The following GREB1L variants were observed in gnomAD, a reference collection of about 807,000 sequenced individuals.
GREB1L encodes GREB1 like retinoic acid receptor coactivator, also known as GREB1-like protein.
Under a neutral mutation model 200.8 loss-of-function variants are expected in GREB1L, and 17 were observed. That is an observed-to-expected ratio of 0.08 (90% CI 0.06 to 0.13). The LOEUF (loss-of-function observed/expected upper bound fraction) is 0.13. GREB1L is among the 10% of genes least tolerant of loss of function. The pLI is 1.00. For missense variants in GREB1L, 1,657 were observed against 2,367.7 expected, an observed-to-expected ratio of 0.70 and a Z score of 6.23; for synonymous variants, 789 against 893.0, an observed-to-expected ratio of 0.88 and a Z score of 2.08.
chr18:21,401,068 G>T lies in GREB1L; in HGVS notation c.533-82G>T, dbSNP rs577095137. ...GAGACATTTTTGGGTCAAAGAATGT[G>T]AATGTTTCTATGCTGTTTAATACGT... On this transcript the variant is annotated intron_variant, in intron 5 of 32. Coordinates refer to ENST00000424526, the MANE Select transcript of GREB1L (RefSeq NM_001142966.3). The T allele has an allele frequency of 3.2e-4, 366 of 1,158,376 alleles. 2 individuals are homozygous for T. The highest frequency in any genetic ancestry group is 2.6e-4 in the Non-Finnish European group (209 of 817,192). 71.8% of individuals were successfully genotyped at this position (1,158,376 alleles called of 1,614,324 possible). A position where few individuals can be genotyped will look rare whatever the true frequency, so the allele number is the denominator to read the frequency against.
At chr18:21,296,957 T>G (rs888212001) in intron 1 of GREB1L, among the ~76,000 whole-genome samples, 1 of 152,190 alleles carries the variant, frequency 6.6e-6, no homozygotes, top group Non-Finnish European at 1.5e-5. Flanking sequence ...TCTGCTTTAA[T>G]TGATCTAAGG....
intron 1 of GREB1L, among the ~76,000 whole-genome samples, chr18:21,339,270 A>G (rs975810267): frequency 6.6e-6 from 1 of 152,200 alleles, no homozygotes; most frequent in African/African-American, 2.4e-5. Flanking sequence ...ATTGTATAGA[A>G]TCATGTAAGA....
chr18:21,405,651 A>G (rs527784203), intron 7 of GREB1L, among the ~76,000 whole-genome samples: 1 of 152,260 alleles, frequency 6.6e-6, no homozygotes, highest in Admixed American at 6.5e-5. Flanking sequence ...ATACACAAAA[A>G]TTAGCTGGGC....
intron 7 of GREB1L, among the ~76,000 whole-genome samples, chr18:21,409,423 G>T (rs1241145926): frequency 6.6e-6 from 1 of 152,160 alleles, no homozygotes; most frequent in East Asian, 1.9e-4. Context: ...TTATTAAGGG[G>T]ATGAAAATGT....
At chr18:21,430,262 T>C (rs1339139599) in intron 7 of GREB1L, among the ~76,000 whole-genome samples, 1 of 152,112 alleles carries the variant, frequency 6.6e-6, no homozygotes, top group Non-Finnish European at 1.5e-5. Context: ...TCATAGCATT[T>C]GTTTATAATG....
At chr18:21,428,175 C>T (rs1053537774) in intron 7 of GREB1L, among the ~76,000 whole-genome samples, 11 of 114,562 alleles carry the variant, frequency 9.6e-5, no homozygotes, top group Non-Finnish European at 8.3e-5. Context: ...CCGGCCTGGG[C>T]GACAGAGCGA....
At chr18:21,340,225 G>C (rs1388429856) in intron 1 of GREB1L, among the ~76,000 whole-genome samples, 2 of 152,184 alleles carry the variant, frequency 1.3e-5, no homozygotes, top group Admixed American at 6.5e-5. Context: ...AGACCATCTT[G>C]GCTAACATGG....
intron 1 of GREB1L, among the ~76,000 whole-genome samples, chr18:21,365,428 C>G (rs948480679): frequency 2.1e-4 from 32 of 152,078 alleles, no homozygotes; most frequent in African/African-American, 7.5e-4. Flanking sequence ...AACATGCATA[C>G]TATACTTTTC....
chr18:21,340,271 T>A (rs2039248761), intron 1 of GREB1L, among the ~76,000 whole-genome samples: 1 of 151,686 alleles, frequency 6.6e-6, no homozygotes, highest in African/African-American at 2.4e-5. Flanking sequence ...TAAAAAAAAA[T>A]TAGCCGGGCA....
At chr18:21,371,241 T>C (rs570556742) in intron 2 of GREB1L, among the ~76,000 whole-genome samples, 1 of 152,164 alleles carries the variant, frequency 6.6e-6, no homozygotes, top group African/African-American at 2.4e-5. Flanking sequence ...AAAATTCTTT[T>C]GGGCAGTGCT....
chr18:21,467,753 A>G (rs550778404), intron 15 of GREB1L, among the ~76,000 whole-genome samples: 64 of 152,288 alleles, frequency 4.2e-4, no homozygotes, highest in African/African-American at 1.2e-3. Context: ...AGCCGGGCGC[A>G]GTGGCTCACA....
At chr18:21,487,053 A>C (rs576159668) in intron 18 of GREB1L, among the ~76,000 whole-genome samples, 16 of 152,208 alleles carry the variant, frequency 1.1e-4, no homozygotes, top group Non-Finnish European at 1.9e-4. Flanking sequence ...TTGGATTTGG[A>C]AAGTCTTAAC....
intron 1 of GREB1L, among the ~76,000 whole-genome samples, chr18:21,291,391 C>T (rs2038448461): frequency 1.3e-5 from 2 of 152,170 alleles, no homozygotes; most frequent in African/African-American, 4.8e-5. Flanking sequence ...CACTCACTAT[C>T]CACTCTTCAT....
At chr18:21,252,621 A>C (rs996090659) in intron 1 of GREB1L, among the ~76,000 whole-genome samples, 1 of 151,416 alleles carries the variant, frequency 6.6e-6, no homozygotes, top group African/African-American at 2.4e-5. Context: ...TAATCCTAGC[A>C]CTTTGGGAGG....
intron 7 of GREB1L, among the ~76,000 whole-genome samples, chr18:21,436,717 T>TGTGTGTG (rs1568009671): frequency 3.8e-4 from 56 of 147,860 alleles, no homozygotes; most frequent in African/African-American, 1.2e-3. Context: ...TGTGTGTGTG[T>TGTGTGTG]TTTCTTTTTC....
At chr18:21,338,437 A>G (rs1430092474) in intron 1 of GREB1L, among the ~76,000 whole-genome samples, 1 of 152,284 alleles carries the variant, frequency 6.6e-6, no homozygotes, top group Non-Finnish European at 1.5e-5. Flanking sequence ...CAGATCAAAT[A>G]TAGCCCATGC....
At chr18:21,318,267 G>A (rs1380661392) in intron 1 of GREB1L, among the ~76,000 whole-genome samples, 2 of 152,148 alleles carry the variant, frequency 1.3e-5, no homozygotes, top group Non-Finnish European at 2.9e-5. Flanking sequence ...ATCTAAATCT[G>A]TTTGATCAGG....
intron 2 of GREB1L, among the ~76,000 whole-genome samples, chr18:21,367,819 G>A (rs1373186934): frequency 6.6e-6 from 1 of 152,120 alleles, no homozygotes; most frequent in African/African-American, 2.4e-5. Context: ...ACAGTAAGGA[G>A]TTTTCTCTTT....
intron 4 of GREB1L, among the ~76,000 whole-genome samples, chr18:21,391,406 G>C (rs1185031159): frequency 2.0e-5 from 3 of 152,192 alleles, no homozygotes; most frequent in Non-Finnish European, 4.4e-5. Context: ...TATCATCTGG[G>C]TGTGTGAAAG....
Sources: gnomAD v4.1 joint callset for allele counts (sites outside exome capture counted in the v4.1 genomes callset) on GRCh38, gnomAD v4.1.1 for gene constraint, MANE v1.5 for transcripts, NCBI Gene and HGNC (gene_info 2026-07-23, HGNC 2026-07-21) for gene names.